The following SYNE1 variants were observed in gnomAD, a reference collection of about 807,000 sequenced individuals.
The protein encoded by SYNE1 is spectrin repeat containing nuclear envelope protein 1.
Under a neutral mutation model 1,111.0 loss-of-function variants are expected in SYNE1, and 616 were observed. The ratio of observed to expected loss-of-function variants is 0.55; its 90% CI spans 0.52 to 0.59. The LOEUF (loss-of-function observed/expected upper bound fraction) is 0.59, where lower values mean the gene tolerates loss of function less well. Ranked by LOEUF, SYNE1 falls within the 20% of genes least tolerant of loss-of-function variation. The probability of loss-of-function intolerance (pLI) is 0.00; values close to 1 mark genes in which losing one functional copy is unlikely to be tolerated. For synonymous variants in SYNE1, 3,855 were observed against 3,825.8 expected (o/e 1.01, Z -0.28); for missense variants, 10,006 against 10,417.0 (o/e 0.96, Z 1.72).
Position 152,391,416 on chromosome 6 carries a change from G to A in SYNE1, c.7865C>T (p.Ala2622Val). Residue 2622 changes from alanine (A) to valine (V), a missense_variant, in exon 52 of 146, where the codon GCC becomes GTC. Around this residue, in one of 7 missense-constraint regions of SYNE1, gnomAD observed 4,955 missense variants for 5,017.2 expected, o/e 0.99. Coordinates refer to ENST00000367255, the MANE Select transcript of SYNE1 (RefSeq NM_182961.4). ...CTCCAGGGCTTCGTGCTCCTGAAGG[G>A]CCACCTGGCAGCTCCGGAGTTTCTC... is the stretch of plus-strand genomic sequence containing the variant. ...TKEKLRSCQV[A>V]LQEHEALEEA... 6.2e-7 allele frequency: 1 copy of A among 1,613,918 alleles called. No individual in the cohort carries two copies. The highest frequency in any genetic ancestry group is 8.5e-7 in the Non-Finnish European group (1 of 1,179,962).
At position 152,377,608 on chromosome 6, in the gene SYNE1, TAAAAAAAAAAA is replaced by T. The variant is rs869031827; in HGVS notation, c.9010-707_9010-697del. Among the ~76,000 whole-genome samples, 10 of 31,350 alleles carry T rather than the reference TAAAAAAAAAAA, an allele frequency of 3.2e-4. No homozygotes were observed. In the East Asian group the frequency reaches 3.4e-3, roughly 11 times the overall value. 20.6% of individuals were successfully genotyped at this position (31,350 alleles called of 152,430 possible). On this transcript the variant is annotated intron_variant, in intron 56 of 145. Transcript: ENST00000367255. ...TGGGGGACAGAACGAAACTCCGTCT[TAAAAAAAAAAA>T]AAAAAAAAAAAAAAAAAAAAAATAT...
At chr6:152,486,207 TA>T (rs2098939184) in intron 12 of SYNE1, among the ~76,000 whole-genome samples, 1 of 95,982 alleles carries the variant, frequency 1.0e-5, no homozygotes, top group East Asian at 3.9e-4. Context: ...CTAAAAAAAA[TA>T]TTAAAAAAAA....
chr6:152,275,803 A>G (rs1205291962), intron 98 of SYNE1, among the ~76,000 whole-genome samples: 5 of 150,890 alleles, frequency 3.3e-5, no homozygotes, highest in Non-Finnish European at 5.9e-5. Context: ...ATTACTTGAG[A>G]CTGGGAGGCA....
chr6:152,371,510 A>G (rs569248863), intron 59 of SYNE1, among the ~76,000 whole-genome samples: 16 of 149,400 alleles, frequency 1.1e-4, no homozygotes, highest in African/African-American at 4.0e-4. Context: ...GTGAGAATGA[A>G]CTAATACACC....
chr6:152,475,668 C>T lies in SYNE1; in HGVS notation c.1351-3255G>A, dbSNP rs372535691. ...ATATATAAAGGAAAAACTGATAGAACTGTAAGGAGAACCTGAACTATCAAC... is the reference window on the plus strand; with the variant it reads ...ATATATAAAGGAAAAACTGATAGAATTGTAAGGAGAACCTGAACTATCAAC... On this transcript the variant is annotated intron_variant, in intron 14 of 145. Transcript: ENST00000367255. 4.6e-5 allele frequency among the ~76,000 whole-genome samples: 7 copies of T among 152,172 alleles called. No homozygotes were observed. The South Asian group carries it at 1.2e-3, about 27-fold the overall frequency.
chr6:152,294,198 T>C, intron 93 of SYNE1, 71 bp from the exon 94 acceptor site: 2 of 1,547,204 alleles, frequency 1.3e-6, no homozygotes, highest in Non-Finnish European at 1.8e-6. Flanking sequence ...CTGGGTACTG[T>C]TGGTCATGTC....
chr6:152,483,891 A>G (rs1451280306), intron 13 of SYNE1, among the ~76,000 whole-genome samples: 1 of 124,884 alleles, frequency 8.0e-6, no homozygotes, highest in African/African-American at 3.6e-5. Flanking sequence ...GAGTCACTAG[A>G]AAAAATGAGA....
chr6:152,595,826 C>T (rs961710), intron 3 of SYNE1, among the ~76,000 whole-genome samples: 3,325 of 152,146 alleles, frequency 0.022, 128 homozygotes, highest in African/African-American at 0.075. Context: ...CTGTACGATG[C>T]GGCTGTTGGG....
intron 3 of SYNE1, among the ~76,000 whole-genome samples, chr6:152,598,543 T>C (rs541545240): frequency 7.9e-5 from 12 of 152,230 alleles, no homozygotes; most frequent in African/African-American, 2.4e-4. Flanking sequence ...ATAAACTCAA[T>C]GGTCTCTTAG....
chr6:152,193,927 G>C (rs2073339311), intron 127 of SYNE1, among the ~76,000 whole-genome samples: 1 of 151,276 alleles, frequency 6.6e-6, no homozygotes, highest in Admixed American at 6.6e-5. Context: ...GCAGGAGAAT[G>C]GCATGAACCC....
At chr6:152,559,541 T>TG (rs2099387769) in intron 3 of SYNE1, among the ~76,000 whole-genome samples, 1 of 151,928 alleles carries the variant, frequency 6.6e-6, no homozygotes, top group Admixed American at 6.6e-5. Flanking sequence ...GAACAATCAA[T>TG]GGGCCAAAAA....
intron 127 of SYNE1, among the ~76,000 whole-genome samples, chr6:152,196,509 A>G (rs2074156784): frequency 1.3e-5 from 2 of 152,100 alleles, no homozygotes; most frequent in South Asian, 4.2e-4. Flanking sequence ...AGGTCTTACC[A>G]GGACTAGGTC....
intron 6 of SYNE1, among the ~76,000 whole-genome samples, chr6:152,513,641 A>G (rs115922092): frequency 0.022 from 3,353 of 152,214 alleles, 152 homozygotes; most frequent in African/African-American, 0.076. Flanking sequence ...GCCCAGTGAG[A>G]TTAGTGTTCT....
In SYNE1 at chr6:152,407,111, A is replaced by G. The variant is rs761395728; in HGVS notation, c.6626T>C (p.Ile2209Thr). ...WDDVLSTRDE[I>T]EGWSNNCVPQ... ...AACGCAGTTGTTTGACCATCCCTCA[A>G]TCTCATCTCTAGTTGACAGTACATC... is the stretch of plus-strand genomic sequence containing the variant. Residue 2209 changes from isoleucine to threonine, a missense_variant, in exon 45 of 146, where the codon ATT becomes ACT. Physicochemically the swap from Ile to Thr is moderately conservative, Grantham distance 89. Transcript: ENST00000367255. 3.1e-6 allele frequency: 5 copies of G among 1,613,838 alleles called. No individual in the cohort carries two copies. The highest frequency in any genetic ancestry group is 4.5e-5 in the East Asian group (2 of 44,846).
At chr6:152,485,025 C>G (rs1343614503) in intron 12 of SYNE1, 53 bp from the exon 13 acceptor site, 5 of 1,575,974 alleles carry the variant, frequency 3.2e-6, no homozygotes, top group Non-Finnish European at 3.5e-6. Flanking sequence ...AAAGCAAAAG[C>G]AAAGGAAAGC....
At chr6:152,432,477 C>T (rs1406139124) in intron 34 of SYNE1, among the ~76,000 whole-genome samples, 2 of 151,866 alleles carry the variant, frequency 1.3e-5, no homozygotes, top group Non-Finnish European at 2.9e-5. Context: ...TTTAAAAATG[C>T]CTTATTGGAC....
At position 152,511,146 on chromosome 6, in the gene SYNE1, T is replaced by C. The variant is rs1436194419; in HGVS notation, c.310-43A>G. 2.0e-6 allele frequency: 3 copies of C among 1,519,102 alleles called. No individual in the cohort carries two copies. In the African/African-American group the frequency reaches 4.1e-5, roughly 21 times the overall value. The allele number at this position is 1,519,102 out of a possible 1,614,324, so 94.1% of individuals were successfully genotyped here. On this transcript the variant is annotated intron_variant, in intron 6 of 145. Transcript: ENST00000367255. ...ACTGTACTAGTAATGTACTAGAATA[T>C]TATAACTCATTTAATTATGTAACAA...
intron 41 of SYNE1, among the ~76,000 whole-genome samples, chr6:152,415,665 A>G (rs1233825275): frequency 6.6e-6 from 1 of 152,058 alleles, no homozygotes; most frequent in Non-Finnish European, 1.5e-5. Flanking sequence ...CAGTAAAAAA[A>G]TTGTTTAAAA....
intron 91 of SYNE1, among the ~76,000 whole-genome samples, chr6:152,303,271 T>C (rs1000142887): frequency 2.5e-4 from 38 of 151,706 alleles, no homozygotes; most frequent in African/African-American, 9.2e-4. Flanking sequence ...CTGGCCAACA[T>C]GGTGAAACCC....
Sources: gnomAD v4.1 joint callset for allele counts (sites outside exome capture counted in the v4.1 genomes callset) on GRCh38, gnomAD v4.1.1 for gene constraint, gnomAD v4.1.1 regional missense constraint, MANE v1.5 for transcripts, NCBI Gene and HGNC (gene_info 2026-07-23, HGNC 2026-07-21) for gene names.